Variants in DIXDC1 observed in about 807,000 individuals in gnomAD.
DIXDC1 encodes dixin.
Under a neutral mutation model 103.1 loss-of-function variants are expected in DIXDC1, and 64 were observed. The observed-to-expected ratio is 0.62, with a 90% CI of 0.51 to 0.76. The LOEUF is 0.76. DIXDC1 is among the 30% of genes least tolerant of loss of function. The probability of loss-of-function intolerance (pLI) is 0.00; values close to 1 mark genes in which losing one functional copy is unlikely to be tolerated. For synonymous variants in DIXDC1, 266 were observed against 298.5 expected, an observed-to-expected ratio of 0.89 and a Z score of 1.12; for missense variants, 759 against 834.2, an observed-to-expected ratio of 0.91 and a Z score of 1.11.
chr11:112,015,516 G>A (rs587666433), intron 17 of DIXDC1: 1 of 152,246 alleles, frequency 6.6e-6, no homozygotes, highest in African/African-American at 2.4e-5. Flanking sequence ...AAAAGGTAGA[G>A]ACAGTCCAGG....
chr11:111,968,533 G>C lies in DIXDC1; in HGVS notation c.211G>C (p.Val71Leu). The change falls in exon 3 of 20, where the codon GTA becomes CTA. Residue 71 changes from valine (V) to leucine (L), a missense_variant. By Grantham distance (32) the Val-to-Leu change is conservative. Coordinates refer to ENST00000440460, the MANE Select transcript of DIXDC1 (RefSeq NM_001037954.4). ...AACAGCAGGAGAAAAGCTGAGTGGG[G>C]TACAGCTGAGTCCCGGTAACCAACA... ...EIVAGEKLSG[V>L]QLSPGNQQEM... 1 of 1,613,068 alleles carries C rather than the reference G, an allele frequency of 6.2e-7. No individual in the cohort carries two copies. The highest frequency in any genetic ancestry group is 1.1e-5 in the South Asian group (1 of 90,816).
upstream of DIXDC1, among the ~76,000 whole-genome samples, chr11:111,936,527 A>G (rs1566449048): frequency 6.6e-6 from 1 of 151,522 alleles, no homozygotes; most frequent in Non-Finnish European, 1.5e-5. Flanking sequence ...AAAGAATGAA[A>G]TAGGAAAATT....
chr11:112,000,453 C>T (rs1861030900), intron 17 of DIXDC1, among the ~76,000 whole-genome samples: 1 of 152,066 alleles, frequency 6.6e-6, no homozygotes, highest in Non-Finnish European at 1.5e-5. Context: ...AATCTTAGTA[C>T]TTTGGGAGGC....
chr11:111,992,855 T>C, intron 11 of DIXDC1, 96 bp from the exon 12 acceptor site: 3 of 1,256,194 alleles, frequency 2.4e-6, no homozygotes, highest in Non-Finnish European at 3.4e-6. Flanking sequence ...TGCTGCATAC[T>C]GTAACTGCCA....
chr11:111,933,853 C>T (rs1966115677), upstream of DIXDC1, among the ~76,000 whole-genome samples: 1 of 152,044 alleles, frequency 6.6e-6, no homozygotes, highest in Non-Finnish European at 1.5e-5. Flanking sequence ...TTGAATTTCA[C>T]ACTTCTTATT....
intron 5 of DIXDC1, chr11:111,975,309 T>C: frequency 8.7e-7 from 1 of 1,149,496 alleles, no homozygotes; most frequent in Non-Finnish European, 1.1e-6. Context: ...TGCCAGTGTT[T>C]ATGATAGCCA....
intron 11 of DIXDC1, 111 bp downstream of exon 11, chr11:111,992,630 G>A: frequency 1.0e-6 from 1 of 971,864 alleles, no homozygotes; most frequent in South Asian, 1.6e-5. Flanking sequence ...CTTCTGGGAT[G>A]CCTGCCTTAA....
At chr11:111,943,793 C>A (rs1399694744) in intron 1 of DIXDC1, among the ~76,000 whole-genome samples, 1 of 152,144 alleles carries the variant, frequency 6.6e-6, no homozygotes, top group Non-Finnish European at 1.5e-5. Flanking sequence ...AGCCACTGCG[C>A]CTGGCCCATT....
chr11:111,994,555 A>G (rs1555175064), intron 14 of DIXDC1, among the ~76,000 whole-genome samples: 1 of 151,226 alleles, frequency 6.6e-6, no homozygotes, highest in African/African-American at 2.4e-5. Context: ...ATATGTATGT[A>G]TATATGTATA....
Position 111,964,611 on chromosome 11 carries a change from G to A in DIXDC1, c.123G>A (p.Lys41=), listed in dbSNP as rs782062068. The change falls in exon 2 of 20, where the codon AAG becomes AAA. Residue 41 remains lysine, a synonymous_variant. Coordinates refer to ENST00000440460, the MANE Select transcript of DIXDC1 (RefSeq NM_001037954.4). The part of the protein sequence containing the change: ...NAQLKKRPAV[K]PVQDLRQDLR... ...AGCTGAAGAAGAGGCCAGCAGTGAA[G>A]CCTGTGCAGGACCTGCGACAAGATC... The A allele has an allele frequency of 1.9e-6, 3 of 1,612,280 alleles. No individual in the cohort carries two copies. The South Asian group carries it at 3.3e-5, about 18-fold the overall frequency.
rs782385253 is a variant in DIXDC1, at chr11:111,977,730, C to T, written c.656+2747C>T. 6.4e-7 allele frequency: 1 copy of T among 1,554,856 alleles called. No homozygotes were observed. The highest frequency in any genetic ancestry group is 1.7e-4 in the Middle Eastern group (1 of 5,978). On this transcript the variant is annotated intron_variant, in intron 5 of 19. Transcript: ENST00000440460. The surrounding 1 kb of genome is among the most constrained non-coding windows in gnomAD (Gnocchi z 6.1). ...GTGACTCTCAGCCTCCCACTTCACC[C>T]GGGGACGCAGGCTTGCTGAAGCCCG...
Position 112,017,363 on chromosome 11 carries a change from CTAAAGA to C in DIXDC1, c.1863-411_1863-406del, listed in dbSNP as rs1861625093. Among the ~76,000 whole-genome samples, 1 of 152,118 alleles carries C rather than the reference CTAAAGA, an allele frequency of 6.6e-6. No homozygotes were observed. The highest frequency in any genetic ancestry group is 2.4e-5 in the African/African-American group (1 of 41,402). On this transcript the variant is annotated intron_variant, in intron 18 of 19. Transcript: ENST00000440460. The surrounding 1 kb of genome is among the most constrained non-coding windows in gnomAD (Gnocchi z 4.0). The stretch of plus-strand genomic sequence containing the variant: ...TTAGTCTGGGTTAGAAGCCAGCTTC[CTAAAGA>C]TAGAGGGATAAAGATCATGATACTT...
intron 17 of DIXDC1, among the ~76,000 whole-genome samples, chr11:112,009,412 T>C (rs1263613911): frequency 3.9e-5 from 6 of 152,176 alleles, no homozygotes; most frequent in Non-Finnish European, 7.3e-5. Flanking sequence ...CTTCTGAAAC[T>C]ATTCCAATCA....
At chr11:112,010,750 T>G (rs1861390082) in intron 17 of DIXDC1, among the ~76,000 whole-genome samples, 4 of 152,244 alleles carry the variant, frequency 2.6e-5, no homozygotes, top group Admixed American at 2.6e-4. Flanking sequence ...GCTAGCCATA[T>G]GTAGAAAGTT....
At chr11:111,932,527 A>G (rs1966060325), upstream of DIXDC1, among the ~76,000 whole-genome samples, 1 of 150,754 alleles carries the variant, frequency 6.6e-6, no homozygotes, top group African/African-American at 2.4e-5. Flanking sequence ...TGGAGCTTGC[A>G]GTGAGCCGAG....
chr11:111,975,825 A>G, intron 5 of DIXDC1: 1 of 985,118 alleles, frequency 1.0e-6, no homozygotes, highest in Non-Finnish European at 1.2e-6. Flanking sequence ...ACTCCATCCT[A>G]TTTTAATGCA....
intron 17 of DIXDC1, among the ~76,000 whole-genome samples, chr11:112,013,218 G>C (rs781800224): frequency 6.8e-6 from 1 of 147,108 alleles, no homozygotes; most frequent in Non-Finnish European, 1.5e-5. Context: ...GGCTCCACCC[G>C]TATGACCTCA....
At chr11:111,941,094 G>A (rs1003970383) in intron 1 of DIXDC1, among the ~76,000 whole-genome samples, 7 of 152,172 alleles carry the variant, frequency 4.6e-5, no homozygotes, top group African/African-American at 9.7e-5. Flanking sequence ...ACCGCACTCC[G>A]GCTTAGATGA....
At chr11:111,934,654 A>G (rs1416385706), upstream of DIXDC1, among the ~76,000 whole-genome samples, 1 of 152,114 alleles carries the variant, frequency 6.6e-6, no homozygotes, top group Non-Finnish European at 1.5e-5. Context: ...GGAATACTAA[A>G]TGTTAGTGTT....
Sources: gnomAD v4.1 joint callset for allele counts (sites outside exome capture counted in the v4.1 genomes callset) on GRCh38, gnomAD v4.1.1 for gene constraint, Gnocchi (gnomAD v3.1) non-coding constraint, MANE v1.5 for transcripts, NCBI Gene and HGNC (gene_info 2026-07-23, HGNC 2026-07-21) for gene names.